IGF2BP3: variants seen among roughly 807,000 people sequenced by gnomAD.
IGF2BP3 encodes the protein insulin like growth factor 2 mRNA binding protein 3.
A neutral mutation model predicts 73.8 loss-of-function variants in IGF2BP3; 9 were observed. That is an observed-to-expected ratio of 0.12 (90% CI 0.07 to 0.21). IGF2BP3 has a LOEUF of 0.21. IGF2BP3 is among the 10% of genes least tolerant of loss of function. IGF2BP3 has a pLI of 1.00. For synonymous variants in IGF2BP3, 258 were observed against 256.7 expected (o/e 1.01, Z -0.05); for missense variants, 542 against 714.0 (o/e 0.76, Z 2.75).
At chr7:23,373,292 T>C (rs1446074462) in intron 3 of IGF2BP3, among the ~76,000 whole-genome samples, 1 of 152,214 alleles carries the variant, frequency 6.6e-6, no homozygotes, top group African/African-American at 2.4e-5. Context: ...TGTTAGGTGG[T>C]TTTTGAACCA....
chr7:23,468,579 T>G (rs1217718498), intron 1 of IGF2BP3, 37 bp from the exon 2 acceptor site: 3 of 1,605,262 alleles, frequency 1.9e-6, no homozygotes, highest in Admixed American at 1.7e-5. Flanking sequence ...TCGGCCGAGT[T>G]CAGCGGCTCT....
chr7:23,460,201 A>AAAAAAAAAAAAC (rs34563888), intron 2 of IGF2BP3, among the ~76,000 whole-genome samples: 2 of 147,034 alleles, frequency 1.4e-5, no homozygotes, highest in South Asian at 4.6e-4. Context: ...AAAAAACAAA[A>AAAAAAAAAAAAC]ACGAAAGTGA....
chr7:23,317,650 C>A lies in IGF2BP3; in HGVS notation c.1384G>T (p.Ala462Ser). 3 of 1,613,910 alleles carry A rather than the reference C, an allele frequency of 1.9e-6. No individual in the cohort carries two copies. Among genetic ancestry groups the A allele is most frequent in the Non-Finnish European group, 2.5e-6 (3 of 1,179,804 alleles). ...TCTAGAGCACATACCTTGAACTGAG[C>A]CTCTGGTGGTCCAGTGATAATCACC... The part of the protein sequence containing the change: ...RMVIITGPPE[A>S]QFKAQGRIYG... Residue 462 changes from alanine to serine, a missense_variant, in exon 12 of 15, where the codon GCT becomes TCT. Ala to Ser is a moderately conservative substitution (Grantham distance 99). This residue lies in a region of IGF2BP3 where 303 missense variants were observed against 472.1 expected (regional missense o/e 0.64). Coordinates refer to ENST00000258729, the MANE Select transcript of IGF2BP3 (RefSeq NM_006547.3).
At chr7:23,314,912 C>T (rs1189424341) in intron 12 of IGF2BP3, among the ~76,000 whole-genome samples, 5 of 152,128 alleles carry the variant, frequency 3.3e-5, no homozygotes, top group Admixed American at 6.5e-5. Flanking sequence ...ATTCTCCTGC[C>T]TCAGCCTCCC....
intron 2 of IGF2BP3, among the ~76,000 whole-genome samples, chr7:23,444,742 CA>C (rs56029431): frequency 0.036 from 3,014 of 82,844 alleles, 70 homozygotes; most frequent in African/African-American, 0.1. Flanking sequence ...GACTCTGTCT[CA>C]AAAAAAAAAA....
intron 2 of IGF2BP3, among the ~76,000 whole-genome samples, chr7:23,455,694 A>T (rs374864156): frequency 2.0e-5 from 3 of 151,602 alleles, no homozygotes; most frequent in Non-Finnish European, 2.9e-5. Flanking sequence ...GGGTCTTACT[A>T]TTTTTTTTGG....
intron 2 of IGF2BP3, 69 bp downstream of exon 2, chr7:23,468,413 C>T (rs770165295): frequency 1.3e-6 from 2 of 1,526,402 alleles, no homozygotes; most frequent in Non-Finnish European, 1.8e-6. Context: ...ACAAGAAGTT[C>T]TCAGCTGAGT....
intron 2 of IGF2BP3, among the ~76,000 whole-genome samples, chr7:23,466,853 A>C (rs1256667252): frequency 6.6e-6 from 1 of 152,254 alleles, no homozygotes; most frequent in Non-Finnish European, 1.5e-5. Flanking sequence ...TTTTAAATTT[A>C]GAAACTCTCT....
intron 5 of IGF2BP3, 28 bp from the exon 6 acceptor site, chr7:23,351,614 G>T: frequency 6.2e-7 from 1 of 1,611,852 alleles, no homozygotes. Flanking sequence ...GCAGGGGTGG[G>T]AAAAGGAATC....
At chr7:23,447,484 G>C (rs1420523721) in intron 2 of IGF2BP3, among the ~76,000 whole-genome samples, 1 of 151,792 alleles carries the variant, frequency 6.6e-6, no homozygotes, top group Non-Finnish European at 1.5e-5. Flanking sequence ...AAATTAGCCA[G>C]GCATGGGGTG....
At chr7:23,359,511 A>C (rs1039460663) in intron 5 of IGF2BP3, among the ~76,000 whole-genome samples, 2 of 152,192 alleles carry the variant, frequency 1.3e-5, no homozygotes, top group African/African-American at 4.8e-5. Context: ...ATATTTTCCA[A>C]CAGGGACTTG....
At chr7:23,393,922 G>C (rs1297534090) in intron 3 of IGF2BP3, among the ~76,000 whole-genome samples, 1 of 152,154 alleles carries the variant, frequency 6.6e-6, no homozygotes, top group Non-Finnish European at 1.5e-5. Context: ...TTCACCAATG[G>C]ACTGGATACT....
chr7:23,353,063 G>C lies in IGF2BP3; in HGVS notation c.402-1477C>G, dbSNP rs554819979. On this transcript the variant is annotated intron_variant, in intron 5 of 14. Coordinates refer to ENST00000258729, the MANE Select transcript of IGF2BP3 (RefSeq NM_006547.3). Reference sequence around the variant, plus strand: ...CAATACATCCCTTTTTAACTCCCCAGTGCACAACAAAATGAAAAACAAAAA... The same window carrying C: ...CAATACATCCCTTTTTAACTCCCCACTGCACAACAAAATGAAAAACAAAAA... Among the ~76,000 whole-genome samples, 3 of 152,124 alleles carry C rather than the reference G, an allele frequency of 2.0e-5. No individual in the cohort carries two copies. The South Asian group carries it at 6.2e-4, about 32-fold the overall frequency.
intron 2 of IGF2BP3, among the ~76,000 whole-genome samples, chr7:23,436,502 T>C (rs1787811181): frequency 6.6e-6 from 1 of 152,196 alleles, no homozygotes; most frequent in African/African-American, 2.4e-5. Context: ...TTCCACTGTT[T>C]TTCCCTACTC....
At chr7:23,353,751 T>C (rs553479314) in intron 5 of IGF2BP3, among the ~76,000 whole-genome samples, 22 of 152,328 alleles carry the variant, frequency 1.4e-4, no homozygotes, top group South Asian at 4.1e-4. Context: ...CAGAGGATGA[T>C]AGCTGACACA....
chr7:23,324,093 A>G (rs978459767), intron 10 of IGF2BP3, among the ~76,000 whole-genome samples: 5 of 152,218 alleles, frequency 3.3e-5, no homozygotes, highest in Admixed American at 2.0e-4. Flanking sequence ...AAGGAAATAG[A>G]GACACAAAAA....
intron 2 of IGF2BP3, among the ~76,000 whole-genome samples, chr7:23,453,661 C>T (rs1788251018): frequency 6.6e-6 from 1 of 152,186 alleles, no homozygotes; most frequent in South Asian, 2.1e-4. Flanking sequence ...ATAGATACTG[C>T]CAAATAGTGT....
intron 3 of IGF2BP3, among the ~76,000 whole-genome samples, chr7:23,368,291 T>G (rs557806742): frequency 7.5e-6 from 1 of 134,154 alleles, no homozygotes; most frequent in East Asian, 2.1e-4. Flanking sequence ...CTTGTTAGTA[T>G]AGCGAAGACA....
At chr7:23,415,177 C>T (rs973505908) in intron 3 of IGF2BP3, 27 of 231,838 alleles carry the variant, frequency 1.2e-4, no homozygotes, top group Non-Finnish European at 2.1e-4. Context: ...CAGGTCCCGT[C>T]CGTCAGTCGG....
Sources: gnomAD v4.1 joint callset for allele counts (sites outside exome capture counted in the v4.1 genomes callset) on GRCh38, gnomAD v4.1.1 for gene constraint, gnomAD v4.1.1 regional missense constraint, MANE v1.5 for transcripts, NCBI Gene and HGNC (gene_info 2026-07-23, HGNC 2026-07-21) for gene names.